CFH: variants seen among roughly 807,000 people sequenced by gnomAD.
CFH encodes the protein complement factor H.
In CFH, 53 loss-of-function variants were observed where a neutral mutation model predicts 147.3. The ratio of observed to expected loss-of-function variants is 0.36; its 90% confidence interval spans 0.29 to 0.45. The LOEUF (loss-of-function observed/expected upper bound fraction) is 0.45. Among genes scored for constraint, CFH ranks in the 20% least tolerant of loss-of-function variants. The pLI, the probability that CFH is intolerant of heterozygous loss-of-function variation, is 1.00. For missense variants in CFH, 1,380 were observed against 1,498.0 expected, an observed-to-expected ratio of 0.92 and a Z score of 1.30; for synonymous variants, 536 against 489.4, an observed-to-expected ratio of 1.10 and a Z score of -1.26.
At chr1:196,689,961 G>T (rs1287683803) in intron 8 of CFH, 102 bp from the exon 9 acceptor site, 2 of 1,279,882 alleles carry the variant, frequency 1.6e-6, no homozygotes, top group East Asian at 2.6e-5. Flanking sequence ...GGATGTTTAT[G>T]CAATCTTATT....
intron 18 of CFH, 52 bp downstream of exon 18, chr1:196,740,844 G>A: frequency 6.5e-7 from 1 of 1,547,674 alleles, no homozygotes; most frequent in Non-Finnish European, 8.9e-7. Flanking sequence ...TTCATTCAAA[G>A]TGTAAGTGGT....
rs771527214 is a variant in CFH at position 196,673,884 on chromosome 1, C to G, written c.272C>G (p.Thr91Ser). 22 of 1,613,092 alleles carry G rather than the reference C, an allele frequency of 1.4e-5. No individual in the cohort carries two copies. The highest frequency in any genetic ancestry group is 1.8e-5 in the Non-Finnish European group (21 of 1,179,544). ...QKRPCGHPGD[T>S]PFGTFTLTGG... ...AGGCCCTGTGGACATCCTGGAGATA[C>G]TCCTTTTGGTACTTTTACCCTTACA... The change falls in exon 3 of 22, where the codon ACT (threonine) becomes AGT (serine). Residue 91 changes from threonine to serine, a missense_variant. Physicochemically the swap from Thr to Ser is moderately conservative, Grantham distance 58 (BLOSUM62 1). Coordinates refer to ENST00000367429, the MANE Select transcript of CFH (RefSeq NM_000186.4).
At chr1:196,688,063 A>ATATT (rs1400214795) in intron 7 of CFH, among the ~76,000 whole-genome samples, 1 of 151,870 alleles carries the variant, frequency 6.6e-6, no homozygotes, top group African/African-American at 2.4e-5. Flanking sequence ...ATGTAAAAGA[A>ATATT]TATTTATATG....
At chr1:196,742,267 T>G (rs1305363528) in intron 19 of CFH, among the ~76,000 whole-genome samples, 1 of 152,102 alleles carries the variant, frequency 6.6e-6, no homozygotes, top group Non-Finnish European at 1.5e-5. Flanking sequence ...TCCCAGCTAC[T>G]TGGGAGACTG....
At chr1:196,694,230 T>A (rs1216440952) in intron 9 of CFH, among the ~76,000 whole-genome samples, 4 of 151,958 alleles carry the variant, frequency 2.6e-5, no homozygotes, top group Non-Finnish European at 2.9e-5. Context: ...TGATCAACTC[T>A]CACTTATGAG....
intron 1 of CFH, among the ~76,000 whole-genome samples, chr1:196,656,691 T>TG (rs1306301098): frequency 2.0e-5 from 3 of 151,740 alleles, no homozygotes; most frequent in Non-Finnish European, 2.9e-5. Flanking sequence ...GTTGCGTTTT[T>TG]TTTTTTTTTT....
At chr1:196,718,960 A>C (rs1668935253) in intron 11 of CFH, among the ~76,000 whole-genome samples, 1 of 152,098 alleles carries the variant, frequency 6.6e-6, no homozygotes, top group African/African-American at 2.4e-5. Flanking sequence ...AGAAAACTGC[A>C]TGTGGATTGA....
At position 196,722,174 on chromosome 1, in the gene CFH, T is replaced by G. The variant is rs139984633; in HGVS notation, c.1697-2947T>G. Among the ~76,000 whole-genome samples, 745 of 152,230 alleles carry G rather than the reference T, an allele frequency of 4.9e-3. 8 individuals carry two copies. The highest frequency in any genetic ancestry group is 0.017 in the African/African-American group (697 of 41,562). ...TTTGTACTTTTGCATGTCTTTATGA[T>G]AGTGAGTATTGACCATCTATTTCCA... On this transcript the variant is annotated intron_variant, in intron 11 of 21. Transcript: ENST00000367429.
chr1:196,714,635 G>GTGTATATATGTATATATA (rs1392624278), intron 10 of CFH, among the ~76,000 whole-genome samples: 12 of 24,924 alleles, frequency 4.8e-4, no homozygotes, highest in African/African-American at 2.0e-3. Context: ...ACGTATATAT[G>GTGTATATATGTATATATA]TATATATATA....
chr1:196,714,040 A>G, intron 10 of CFH, 123 bp downstream of exon 10: 1 of 834,958 alleles, frequency 1.2e-6, no homozygotes, highest in East Asian at 2.7e-5. Context: ...AACCTGCAGG[A>G]ACAAAGCAGA....
chr1:196,695,768 A>G (rs1475233713), intron 9 of CFH, among the ~76,000 whole-genome samples: 2 of 152,052 alleles, frequency 1.3e-5, no homozygotes, highest in African/African-American at 4.8e-5. Context: ...CTTTGTGGCA[A>G]TTGTGAATGG....
rs113017909 is a variant in CFH, at chr1:196,685,077, T to C, written c.804T>C (p.Asp268=). 8 of 1,609,536 alleles carry C rather than the reference T, an allele frequency of 5.0e-6. No individual in the cohort carries two copies. The highest frequency in any genetic ancestry group is 4.0e-5 in the African/African-American group (3 of 74,788). Residue 268 remains aspartate (D), a synonymous_variant, in exon 7 of 22, where the codon GAT becomes GAC. Transcript: ENST00000367429. ...TTTTCTTTTCAGAAAAATCATGTGA[T>C]AATCCTTATATTCCAAATGGTGACT... The part of the protein sequence containing the change: ...PLPSCEEKSC[D]NPYIPNGDYS...
At position 196,673,009 on chromosome 1, in the gene CFH, A is replaced by C; in HGVS notation, c.90A>C (p.Thr30=). 6.2e-7 allele frequency: 1 copy of C among 1,614,036 alleles called. No homozygotes were observed. The highest frequency in any genetic ancestry group is 8.5e-7 in the Non-Finnish European group (1 of 1,179,984). The change falls in exon 2 of 22, where the codon ACA becomes ACC. Residue 30 remains threonine (T), a synonymous_variant. Coordinates refer to ENST00000367429, the MANE Select transcript of CFH (RefSeq NM_000186.4). ...ATGAACTTCCTCCAAGAAGAAATAC[A>C]GAAATTCTGACAGGTTCCTGGTCTG... ...DCNELPPRRN[T]EILTGSWSDQ... is the part of the protein sequence containing the mutation.
chr1:196,657,023 G>T (rs1666724255), intron 1 of CFH, among the ~76,000 whole-genome samples: 1 of 151,966 alleles, frequency 6.6e-6, no homozygotes, highest in African/African-American at 2.4e-5. Context: ...GTTGCCTGAG[G>T]CTGGAGTGCC....
Position 196,672,040 on chromosome 1 carries a change from T to C in CFH, c.59-938T>C, listed in dbSNP as rs935546393. On this transcript the variant is annotated intron_variant, in intron 1 of 21. Coordinates refer to ENST00000367429, the MANE Select transcript of CFH (RefSeq NM_000186.4). Reference sequence around the variant, plus strand: ...TATTTGAGTCAGATCCATTTTCTTATTGAGACTTTTTTTCTATGAGACAAC... The same window carrying C: ...TATTTGAGTCAGATCCATTTTCTTACTGAGACTTTTTTTCTATGAGACAAC... 3.3e-5 allele frequency among the ~76,000 whole-genome samples: 5 copies of C among 152,140 alleles called. No homozygotes were observed. The East Asian group carries it at 5.8e-4, about 18-fold the overall frequency.
chr1:196,681,128 T>C (rs1667636953), intron 6 of CFH, among the ~76,000 whole-genome samples: 1 of 151,864 alleles, frequency 6.6e-6, no homozygotes, highest in African/African-American at 2.4e-5. Context: ...AAATCTATAG[T>C]GAATTTATCC....
intron 9 of CFH, among the ~76,000 whole-genome samples, chr1:196,700,376 A>C (rs1028267365): frequency 1.3e-5 from 2 of 151,964 alleles, no homozygotes; most frequent in African/African-American, 2.4e-5. Context: ...GCAAGCACCC[A>C]GACATGATGG....
At chr1:196,714,668 T>TATAGAG (rs1362376856) in intron 10 of CFH, among the ~76,000 whole-genome samples, 22 of 21,312 alleles carry the variant, frequency 1.0e-3, no homozygotes, top group African/African-American at 1.2e-3. Context: ...TATATATATA[T>TATAGAG]AGAGAGAGAG....
intron 7 of CFH, among the ~76,000 whole-genome samples, chr1:196,687,934 T>G (rs570618): frequency 0.69 from 104,986 of 151,848 alleles, 37,020 homozygotes; most frequent in East Asian, 0.95. Flanking sequence ...ATTAGAGAAA[T>G]ACATTTAAGA....
Sources: gnomAD v4.1 joint callset for allele counts (sites outside exome capture counted in the v4.1 genomes callset) on GRCh38, gnomAD v4.1.1 for gene constraint, MANE v1.5 for transcripts, NCBI Gene and HGNC (gene_info 2026-07-23, HGNC 2026-07-21) for gene names.